The following FOXP1 variants were observed in gnomAD, a reference collection of about 807,000 sequenced individuals.
FOXP1 encodes forkhead box P1.
FOXP1 carries 15 observed loss-of-function variants against 98.2 expected under a neutral mutation model. That is an observed-to-expected ratio of 0.15 (90% confidence interval 0.10 to 0.24). The LOEUF (loss-of-function observed/expected upper bound fraction) is 0.24. FOXP1 is among the 10% of genes least tolerant of loss of function. FOXP1 has a pLI of 1.00. For missense variants in FOXP1, 633 were observed against 848.5 expected (o/e 0.75, Z 3.15); for synonymous variants, 371 against 314.5 (o/e 1.18, Z -1.90).
At chr3:71,217,042 C>G (rs1047613913) in intron 5 of FOXP1, among the ~76,000 whole-genome samples, 3 of 152,066 alleles carry the variant, frequency 2.0e-5, no homozygotes, top group Admixed American at 1.3e-4. Context: ...AGAATTTGTT[C>G]TATTTTTATT....
At chr3:71,220,801 G>T (rs1052645608) in intron 5 of FOXP1, among the ~76,000 whole-genome samples, 2 of 130,176 alleles carry the variant, frequency 1.5e-5, no homozygotes, top group Non-Finnish European at 3.2e-5. Context: ...AGATTATGAG[G>T]AGAAAAGAAG....
At chr3:70,985,123 A>G (rs2039509909) in intron 14 of FOXP1, among the ~76,000 whole-genome samples, 1 of 152,260 alleles carries the variant, frequency 6.6e-6, no homozygotes, top group South Asian at 2.1e-4. Flanking sequence ...GGAAAAAAGA[A>G]AAAGCTTCAT....
intron 2 of FOXP1, among the ~76,000 whole-genome samples, chr3:71,569,493 C>A (rs1187883017): frequency 6.6e-6 from 1 of 152,056 alleles, no homozygotes; most frequent in Admixed American, 6.5e-5. Context: ...AGAGCAAGTA[C>A]TTATTAAGAA....
intron 2 of FOXP1, among the ~76,000 whole-genome samples, chr3:71,538,377 A>AT: frequency 6.6e-6 from 1 of 152,198 alleles, no homozygotes; most frequent in African/African-American, 2.4e-5. Flanking sequence ...GTCTTAATGG[A>AT]TTTGCCAGTT....
intron 4 of FOXP1, among the ~76,000 whole-genome samples, chr3:71,351,082 A>T (rs113782366): frequency 2.0e-5 from 3 of 152,164 alleles, no homozygotes; most frequent in Non-Finnish European, 4.4e-5. Flanking sequence ...TTAAGAAAAG[A>T]TCTTTTCTGC....
At position 71,323,172 on chromosome 3, in the gene FOXP1, T is replaced by C. The variant is rs774912759; in HGVS notation, c.-72-23292A>G. Among the ~76,000 whole-genome samples the C allele has an allele frequency of 4.6e-5, 7 of 152,254 alleles. No homozygotes were observed. In the South Asian group the frequency reaches 1.5e-3, roughly 32 times the overall value. On this transcript the variant is annotated intron_variant, in intron 4 of 20. Coordinates refer to ENST00000649528, the MANE Select transcript of FOXP1 (RefSeq NM_001349338.3). ...TTTTAGTAGAGATGGGGTTTCATCA[T>C]GTTGGTCAGGCTGGTCTCGAACTCC...
At chr3:71,511,314 G>T (rs1462145766) in intron 2 of FOXP1, among the ~76,000 whole-genome samples, 3 of 152,112 alleles carry the variant, frequency 2.0e-5, no homozygotes, top group Non-Finnish European at 4.4e-5. Flanking sequence ...AACCAGACCA[G>T]ACACAACAAA....
intron 13 of FOXP1, among the ~76,000 whole-genome samples, chr3:70,992,678 T>A (rs141543172): frequency 6.6e-6 from 1 of 152,320 alleles, no homozygotes; most frequent in African/African-American, 2.4e-5. Flanking sequence ...TAACGTTCCT[T>A]ACATGTTATT....
At chr3:71,066,316 C>T (rs1381501952) in intron 7 of FOXP1, among the ~76,000 whole-genome samples, 1 of 152,178 alleles carries the variant, frequency 6.6e-6, no homozygotes, top group African/African-American at 2.4e-5. Flanking sequence ...CGCGAAGTGA[C>T]CATCAAAGTA....
At chr3:71,204,417 C>G (rs2063879862) in intron 5 of FOXP1, among the ~76,000 whole-genome samples, 1 of 152,078 alleles carries the variant, frequency 6.6e-6, no homozygotes, top group Non-Finnish European at 1.5e-5. Context: ...GATATTAAAC[C>G]AGTTCTGTAC....
chr3:71,397,225 T>C (rs2081594906), intron 3 of FOXP1, among the ~76,000 whole-genome samples: 1 of 150,818 alleles, frequency 6.6e-6, no homozygotes, highest in South Asian at 2.1e-4. Context: ...TGGCAGTCCC[T>C]GGAATTGCAT....
chr3:70,962,732 T>C (rs192257810), intron 20 of FOXP1, among the ~76,000 whole-genome samples: 12 of 152,318 alleles, frequency 7.9e-5, no homozygotes, highest in East Asian at 3.9e-4. Flanking sequence ...TTCATGTTTA[T>C]AACCCAGAAT....
intron 6 of FOXP1, among the ~76,000 whole-genome samples, chr3:71,129,546 T>A (rs2059437919): frequency 6.6e-6 from 1 of 152,168 alleles, no homozygotes; most frequent in Non-Finnish European, 1.5e-5. Flanking sequence ...TCAAAAGAGC[T>A]TATTTTCCAT....
intron 2 of FOXP1, among the ~76,000 whole-genome samples, chr3:71,558,802 C>CTTTTTTTTTTT (rs35405702): frequency 5.1e-5 from 6 of 117,552 alleles, no homozygotes; most frequent in African/African-American, 1.0e-4. Flanking sequence ...CCGATTCTCA[C>CTTTTTTTTTTT]TTTTTTTTTT....
intron 7 of FOXP1, among the ~76,000 whole-genome samples, chr3:71,067,463 A>ATTT (rs1422112170): frequency 6.6e-6 from 1 of 152,190 alleles, no homozygotes; most frequent in Non-Finnish European, 1.5e-5. Flanking sequence ...GAAAAGCTGA[A>ATTT]TAAGAAAGGC....
At chr3:71,138,778 C>T (rs1349785347) in intron 6 of FOXP1, among the ~76,000 whole-genome samples, 2 of 152,106 alleles carry the variant, frequency 1.3e-5, no homozygotes, top group African/African-American at 4.8e-5. Flanking sequence ...CACTGGCACG[C>T]GACCTGTGAA....
chr3:71,142,297 A>G (rs780917198), intron 6 of FOXP1, among the ~76,000 whole-genome samples: 11 of 152,314 alleles, frequency 7.2e-5, no homozygotes, highest in Non-Finnish European at 1.2e-4. Context: ...TTACATTCCT[A>G]TGCCTGGTAT....
intron 4 of FOXP1, among the ~76,000 whole-genome samples, chr3:71,305,200 C>T (rs2074176072): frequency 2.0e-5 from 3 of 152,112 alleles, no homozygotes; most frequent in Non-Finnish European, 4.4e-5. Flanking sequence ...CAAAAAATAG[C>T]AAGACCCCAG....
intron 4 of FOXP1, chr3:71,329,669 T>G (rs1226389413): frequency 1.3e-5 from 2 of 151,822 alleles, no homozygotes; most frequent in African/African-American, 4.8e-5. Flanking sequence ...GTGGGTGAGA[T>G]GAGAAGAACA....
Sources: allele counts gnomAD v4.1 joint callset (sites outside exome capture counted in the v4.1 genomes callset), GRCh38; gene constraint gnomAD v4.1.1; transcripts MANE v1.5; gene names NCBI Gene and HGNC (gene_info 2026-07-23, HGNC 2026-07-21).